Variants in ROR2 observed in about 807,000 individuals in gnomAD.
The protein encoded by ROR2 is tyrosine-protein kinase transmembrane receptor ROR2.
Under a neutral mutation model 74.9 loss-of-function variants are expected in ROR2, and 33 were observed. The observed-to-expected ratio is 0.44, with a 90% CI of 0.33 to 0.59. ROR2 has a LOEUF of 0.59. ROR2 is among the 20% of genes least tolerant of loss of function. The probability of loss-of-function intolerance (pLI) is 0.02; values close to 1 mark genes in which losing one functional copy is unlikely to be tolerated. For missense variants in ROR2, 1,216 were observed against 1,313.8 expected (o/e 0.93, Z 1.15); for synonymous variants, 586 against 558.7 (o/e 1.05, Z -0.69).
intron 1 of ROR2, among the ~76,000 whole-genome samples, chr9:91,921,019 C>A (rs1368190263): frequency 6.6e-6 from 1 of 152,244 alleles, no homozygotes; most frequent in African/African-American, 2.4e-5. Context: ...TCATTGCCAA[C>A]AAACTGGACC....
At chr9:91,888,942 A>AT (rs1265415829) in intron 1 of ROR2, among the ~76,000 whole-genome samples, 2 of 148,866 alleles carry the variant, frequency 1.3e-5, no homozygotes, top group African/African-American at 2.5e-5. Flanking sequence ...TGGCTCTTCC[A>AT]TTTTTTTCAT....
intron 1 of ROR2, among the ~76,000 whole-genome samples, chr9:91,825,269 A>T (rs1163340875): frequency 6.6e-6 from 1 of 152,180 alleles, no homozygotes; most frequent in Non-Finnish European, 1.5e-5. Flanking sequence ...ACTTGGGAGC[A>T]GATGCTCCCA....
chr9:91,806,855 C>T (rs902289373), intron 1 of ROR2, among the ~76,000 whole-genome samples: 1 of 152,202 alleles, frequency 6.6e-6, no homozygotes, highest in African/African-American at 2.4e-5. Flanking sequence ...ACCCAAAGTG[C>T]TGGGATTACA....
At position 91,724,132 on chromosome 9, in the gene ROR2, C is replaced by T; in HGVS notation, c.2362G>A (p.Gly788Arg). 6.2e-7 allele frequency: 1 copy of T among 1,610,992 alleles called. No homozygotes were observed. Among genetic ancestry groups the T allele is most frequent in the Non-Finnish European group, 8.5e-7 (1 of 1,179,960 alleles). ...AAGGGCGGGGCCTTCTGCTTGGGCC[C>T]CACGTAGCGGGCGTTGCTCACATTG... ...VSNVSNARYV[G>R]PKQKAPPFPQ... Residue 788 changes from glycine (G) to arginine (R), a missense_variant, in exon 9 of 9, where the codon GGG (glycine) becomes AGG (arginine). Physicochemically the swap from Gly to Arg is moderately radical, Grantham distance 125. Transcript: ENST00000375708.
At chr9:91,824,528 C>A (rs1400684190) in intron 1 of ROR2, among the ~76,000 whole-genome samples, 2 of 152,224 alleles carry the variant, frequency 1.3e-5, no homozygotes, top group East Asian at 1.9e-4. Flanking sequence ...GGAAGAAAAG[C>A]GAAAGGGAGA....
intron 1 of ROR2, among the ~76,000 whole-genome samples, chr9:91,848,730 G>T (rs1003793464): frequency 2.0e-5 from 3 of 149,398 alleles, no homozygotes; most frequent in Admixed American, 6.7e-5. Context: ...ACTCCAGGCT[G>T]GGCGACAGAG....
At chr9:91,737,001 G>A (rs1033408946) in intron 5 of ROR2, among the ~76,000 whole-genome samples, 5 of 152,228 alleles carry the variant, frequency 3.3e-5, no homozygotes, top group Admixed American at 6.5e-5. Flanking sequence ...AGAAGAGTCA[G>A]GAAGTACAGA....
intron 4 of ROR2, among the ~76,000 whole-genome samples, chr9:91,754,634 G>A (rs1825688134): frequency 6.6e-6 from 1 of 152,144 alleles, no homozygotes; most frequent in Non-Finnish European, 1.5e-5. Flanking sequence ...CAGCCTGGGT[G>A]ACAGGGCGAG....
rs7863557 is a variant in ROR2 at position 91,775,833 on chromosome 9, C to G, written c.98-15G>C. ...CTCCACTTCACCTGGGAAAAAGAAA[C>G]CAGGATAGGTATTAAACAAGTTTTC... On this transcript the variant is annotated splice_polypyrimidine_tract_variant and intron_variant, in intron 1 of 8. Transcript: ENST00000375708. 0.24 allele frequency: 394,070 copies of G among 1,610,440 alleles called. 50,607 individuals are homozygous for G. Among genetic ancestry groups the G allele is most frequent in the Middle Eastern group, 0.38 (2,275 of 6,042 alleles).
At position 91,774,094 on chromosome 9, in the gene ROR2, AG is replaced by A. The variant is rs1184566692; in HGVS notation, c.175+1646del. Among the ~76,000 whole-genome samples the A allele has an allele frequency of 1.9e-3, 295 of 152,368 alleles. 1 individual carries two copies. The highest frequency in any genetic ancestry group is 6.9e-3 in the African/African-American group (288 of 41,584). ...CACTGTGGGTTAAGTCAGGCTTTTG[AG>A]AAAGAAGTTGAGAATCTAACCAACA... On this transcript the variant is annotated intron_variant, in intron 2 of 8. Transcript: ENST00000375708.
chr9:91,762,920 T>C (rs1381765981), intron 2 of ROR2, among the ~76,000 whole-genome samples: 1 of 152,200 alleles, frequency 6.6e-6, no homozygotes, highest in Non-Finnish European at 1.5e-5. Context: ...CCTGTGCATA[T>C]ACAAGAGTCT....
intron 2 of ROR2, among the ~76,000 whole-genome samples, chr9:91,773,183 G>T (rs76501290): frequency 6.6e-6 from 1 of 152,154 alleles, no homozygotes; most frequent in African/African-American, 2.4e-5. Flanking sequence ...GGAAGCCCCC[G>T]GGTGAGAGGT....
At chr9:91,860,106 G>A (rs1211913332) in intron 1 of ROR2, among the ~76,000 whole-genome samples, 1 of 152,212 alleles carries the variant, frequency 6.6e-6, no homozygotes, top group African/African-American at 2.4e-5. Context: ...AGAAACAGGA[G>A]CCCTCTCAGG....
At chr9:91,750,331 TAC>T (rs1825560870) in intron 4 of ROR2, among the ~76,000 whole-genome samples, 1 of 152,346 alleles carries the variant, frequency 6.6e-6, no homozygotes, top group African/African-American at 2.4e-5. Flanking sequence ...CCAGGGAAAA[TAC>T]AGTTAGTTTT....
At chr9:91,926,100 G>A (rs1490560626) in intron 1 of ROR2, among the ~76,000 whole-genome samples, 1 of 151,970 alleles carries the variant, frequency 6.6e-6, no homozygotes, top group Non-Finnish European at 1.5e-5. Flanking sequence ...ACAAACATTA[G>A]GCCAGGCGCG....
At chr9:91,851,973 TAA>T (rs61049113) in intron 1 of ROR2, among the ~76,000 whole-genome samples, 26 of 138,892 alleles carry the variant, frequency 1.9e-4, no homozygotes, top group Admixed American at 2.9e-4. Flanking sequence ...AAGACTCTGT[TAA>T]AAAAAAAAAA....
chr9:91,780,953 G>A (rs1412953870), intron 1 of ROR2, among the ~76,000 whole-genome samples: 3 of 152,120 alleles, frequency 2.0e-5, no homozygotes, highest in African/African-American at 7.2e-5. Context: ...TGAGTCCATG[G>A]TGCTATTCTG....
At chr9:91,739,951 TAGAAA>T (rs931741583) in intron 4 of ROR2, among the ~76,000 whole-genome samples, 4 of 152,206 alleles carry the variant, frequency 2.6e-5, no homozygotes, top group African/African-American at 9.6e-5. Flanking sequence ...TCCACTCTGC[TAGAAA>T]AATCATTAAG....
At chr9:91,944,329 A>G (rs1395491250) in intron 1 of ROR2, among the ~76,000 whole-genome samples, 1 of 152,222 alleles carries the variant, frequency 6.6e-6, no homozygotes, top group Non-Finnish European at 1.5e-5. Flanking sequence ...GTCTGAAAAC[A>G]TCATTATTTG....
Sources: gnomAD v4.1 joint callset for allele counts (sites outside exome capture counted in the v4.1 genomes callset) on GRCh38, gnomAD v4.1.1 for gene constraint, MANE v1.5 for transcripts, NCBI Gene and HGNC (gene_info 2026-07-23, HGNC 2026-07-21) for gene names.